The following CUL1 variants were observed in gnomAD, a reference collection of about 807,000 sequenced individuals.
CUL1 encodes the protein cullin 1.
A neutral mutation model predicts 118.0 loss-of-function variants in CUL1; 24 were observed. The observed-to-expected ratio is 0.20, with a 90% CI of 0.15 to 0.29. The LOEUF is 0.29. Among genes scored for constraint, CUL1 ranks in the 10% least tolerant of loss-of-function variants. The pLI is 1.00. For missense variants in CUL1, 361 were observed against 933.8 expected, an observed-to-expected ratio of 0.39 and a Z score of 7.99; for synonymous variants, 332 against 340.4, an observed-to-expected ratio of 0.98 and a Z score of 0.27.
At chr7:148,766,856 A>C (rs1026497761) in intron 8 of CUL1, 133 bp downstream of exon 8, 1 of 773,568 alleles carries the variant, frequency 1.3e-6, no homozygotes, top group African/African-American at 1.8e-5. Context: ...GTGTTTGTAC[A>C]TCGTTATGTG....
At position 148,700,845 on chromosome 7, in the gene CUL1, C is replaced by G. The variant is rs992107764; in HGVS notation, c.-162+1816C>G. Among the ~76,000 whole-genome samples, 5 of 152,298 alleles carry G rather than the reference C, an allele frequency of 3.3e-5. No homozygotes were observed. The East Asian group carries it at 9.6e-4, about 29-fold the overall frequency. ...TTTTCACCAATTTATAAAAGCCTCC[C>G]TCCCTGAGAGCCACATGCTCAGGTC... On this transcript the variant is annotated intron_variant, in intron 1 of 21. Coordinates refer to ENST00000325222, the MANE Select transcript of CUL1 (RefSeq NM_003592.3).
chr7:148,749,439 A>C (rs1358917275), intron 2 of CUL1, among the ~76,000 whole-genome samples: 1 of 146,436 alleles, frequency 6.8e-6, no homozygotes, highest in East Asian at 2.0e-4. Context: ...AAAAAAAGTA[A>C]AAAGGTACAG....
At chr7:148,757,486 C>T (rs541886158) in intron 4 of CUL1, among the ~76,000 whole-genome samples, 30 of 152,310 alleles carry the variant, frequency 2.0e-4, no homozygotes, top group African/African-American at 7.2e-4. Flanking sequence ...CCAGGCAAAT[C>T]AGGTGCCATA....
intron 4 of CUL1, among the ~76,000 whole-genome samples, chr7:148,757,949 G>A (rs930484378): frequency 1.3e-5 from 2 of 152,160 alleles, no homozygotes; most frequent in Non-Finnish European, 2.9e-5. Context: ...GGTGCCTCCC[G>A]CAACATGTGG....
At chr7:148,782,990 T>G (rs1039077860) in intron 9 of CUL1, among the ~76,000 whole-genome samples, 5 of 152,010 alleles carry the variant, frequency 3.3e-5, no homozygotes, top group Non-Finnish European at 7.4e-5. Flanking sequence ...AGTTTCTACG[T>G]CTGTAGAATG....
chr7:148,771,113 T>C (rs967931039), intron 9 of CUL1, among the ~76,000 whole-genome samples: 2 of 152,182 alleles, frequency 1.3e-5, no homozygotes, highest in African/African-American at 4.8e-5. Context: ...ATGTGTAATA[T>C]CAGTCCCGTG....
intron 2 of CUL1, among the ~76,000 whole-genome samples, chr7:148,747,913 A>G (rs971163148): frequency 6.6e-6 from 1 of 152,254 alleles, no homozygotes; most frequent in Non-Finnish European, 1.5e-5. Context: ...AGAAGGTAAC[A>G]TGAAAATATC....
chr7:148,744,573 C>T (rs184739576), intron 2 of CUL1, among the ~76,000 whole-genome samples: 128 of 152,182 alleles, frequency 8.4e-4, no homozygotes, highest in African/African-American at 2.9e-3. Context: ...ATTTACTACT[C>T]GTATCGCTCT....
At chr7:148,734,080 A>G (rs180722832) in intron 2 of CUL1, among the ~76,000 whole-genome samples, 6 of 152,210 alleles carry the variant, frequency 3.9e-5, no homozygotes, top group South Asian at 2.1e-4. Flanking sequence ...GCAGACAGAA[A>G]GATCCACTTT....
chr7:148,767,966 A>G (rs180787310), intron 9 of CUL1, among the ~76,000 whole-genome samples: 2 of 152,192 alleles, frequency 1.3e-5, no homozygotes, highest in African/African-American at 2.4e-5. Flanking sequence ...GGCGTTAATA[A>G]TGTTATTTTT....
At chr7:148,721,307 C>T (rs1183104445) in intron 1 of CUL1, among the ~76,000 whole-genome samples, 1 of 152,188 alleles carries the variant, frequency 6.6e-6, no homozygotes. Flanking sequence ...TTCCCAAACC[C>T]ATCGTTACCC....
chr7:148,797,301 A>G (rs1046788084), intron 17 of CUL1, among the ~76,000 whole-genome samples: 1 of 150,914 alleles, frequency 6.6e-6, no homozygotes, highest in East Asian at 1.9e-4. Flanking sequence ...TTCATTGTGC[A>G]TGGTTTCCAA....
intron 2 of CUL1, among the ~76,000 whole-genome samples, chr7:148,737,435 CTT>C (rs1159115297): frequency 2.0e-5 from 3 of 151,672 alleles, no homozygotes; most frequent in Non-Finnish European, 4.4e-5. Flanking sequence ...CTGGACAGGA[CTT>C]TATTCTTTTA....
At chr7:148,698,901 C>A (rs1367174643), upstream of CUL1, 3 of 154,382 alleles carry the variant, frequency 1.9e-5, no homozygotes, top group South Asian at 1.8e-4. Flanking sequence ...GCACGCAGCT[C>A]CAGGCGGGGC....
At chr7:148,732,320 A>G (rs531149816) in intron 2 of CUL1, among the ~76,000 whole-genome samples, 65 of 151,812 alleles carry the variant, frequency 4.3e-4, no homozygotes, top group African/African-American at 1.5e-3. Context: ...ATTGAGATGT[A>G]ATTAATATGC....
chr7:148,736,673 T>TG (rs1338004414), intron 2 of CUL1, among the ~76,000 whole-genome samples: 1 of 152,242 alleles, frequency 6.6e-6, no homozygotes, highest in African/African-American at 2.4e-5. Context: ...AGGAAATAGT[T>TG]GTATTCAAAA....
chr7:148,757,405 C>G (rs956354377), intron 4 of CUL1, among the ~76,000 whole-genome samples: 1 of 152,072 alleles, frequency 6.6e-6, no homozygotes, highest in Non-Finnish European at 1.5e-5. Flanking sequence ...CTTTAATTAC[C>G]TGACCCTACC....
At position 148,754,050 on chromosome 7, in the gene CUL1, C is replaced by T. The variant is rs757956155; in HGVS notation, c.215C>T (p.Ser72Leu). 24 of 1,613,514 alleles carry T rather than the reference C, an allele frequency of 1.5e-5. No individual in the cohort carries two copies. Among genetic ancestry groups the T allele is most frequent in the Admixed American group, 3.3e-5 (2 of 59,950 alleles). Reference sequence around the variant, plus strand: ...GGAGCTGGAGTTCCTCCTTCTAAGTCGAAAAAGGGGCAGACACCTGGAGGA... The same window carrying T: ...GGAGCTGGAGTTCCTCCTTCTAAGTTGAAAAAGGGGCAGACACCTGGAGGA... ...ARGAGVPPSK[S>L]KKGQTPGGAQ... is the part of the protein sequence containing the mutation. Residue 72 changes from serine to leucine, a missense_variant, in exon 3 of 22, where the codon TCG becomes TTG. By Grantham distance (145) the Ser-to-Leu change is moderately radical. This residue lies in a region of CUL1 where 49 missense variants were observed against 67.4 expected (regional missense o/e 0.73). Coordinates refer to ENST00000325222, the MANE Select transcript of CUL1 (RefSeq NM_003592.3).
At chr7:148,789,973 G>T in intron 15 of CUL1, 147 bp downstream of exon 15, 1 of 780,370 alleles carries the variant, frequency 1.3e-6, no homozygotes, top group South Asian at 1.6e-5. Context: ...ACTCAGGGAA[G>T]AGCCCTGTGC....
Sources: gnomAD v4.1 joint callset for allele counts (sites outside exome capture counted in the v4.1 genomes callset) on GRCh38, gnomAD v4.1.1 for gene constraint, gnomAD v4.1.1 regional missense constraint, MANE v1.5 for transcripts, NCBI Gene and HGNC (gene_info 2026-07-23, HGNC 2026-07-21) for gene names.